TIAM1: variants seen among roughly 807,000 people sequenced by gnomAD.
The protein encoded by TIAM1 is rho guanine nucleotide exchange factor TIAM1.
Under a neutral mutation model 163.5 loss-of-function variants are expected in TIAM1, and 65 were observed. That is an observed-to-expected ratio of 0.40 (90% CI 0.33 to 0.49). TIAM1 has a LOEUF of 0.49. Ranked by LOEUF, TIAM1 falls within the 20% of genes least tolerant of loss-of-function variation. The probability of loss-of-function intolerance (pLI) is 0.77; values close to 1 mark genes in which losing one functional copy is unlikely to be tolerated. For synonymous variants in TIAM1, 833 were observed against 810.1 expected, an observed-to-expected ratio of 1.03 and a Z score of -0.48; for missense variants, 1,789 against 2,044.7, an observed-to-expected ratio of 0.87 and a Z score of 2.41.
In TIAM1 at chr21:31,339,261, G is replaced by A. The variant is rs2075946826; in HGVS notation, c.-207C>T. On this transcript the variant is annotated 5_prime_UTR_variant, in exon 2 of 28. Coordinates refer to ENST00000541036, the MANE Select transcript of TIAM1 (RefSeq NM_001353694.2). ...CACTTACCCCATTGGAAACAGAAGAGGCTTTGTCAAGATCTCCAAATGGGC... is the reference window on the plus strand; with the variant it reads ...CACTTACCCCATTGGAAACAGAAGAAGCTTTGTCAAGATCTCCAAATGGGC... The A allele has an allele frequency of 2.5e-6, 1 of 398,354 alleles. No individual in the cohort carries two copies. The highest frequency in any genetic ancestry group is 4.4e-6 in the Non-Finnish European group (1 of 226,028). The allele number at this position is 398,354 out of a possible 1,614,324, so 24.7% of individuals were successfully genotyped here. A position where few individuals can be genotyped will look rare whatever the true frequency, so the allele number is the denominator to read the frequency against.
At chr21:31,462,855 G>A (rs2045384619) in intron 2 of TIAM1, among the ~76,000 whole-genome samples, 2 of 151,180 alleles carry the variant, frequency 1.3e-5, no homozygotes, top group Non-Finnish European at 2.9e-5. Flanking sequence ...CCATTCTCCT[G>A]CCTCAGCCTC....
intron 12 of TIAM1, among the ~76,000 whole-genome samples, chr21:31,199,548 T>TTTA (rs2086080212): frequency 6.8e-6 from 1 of 146,968 alleles, no homozygotes; most frequent in African/African-American, 2.6e-5. Context: ...TTTTTTTTTT[T>TTTA]GAGACAGAAT....
Position 31,289,731 on chromosome 21 carries a change from CT to C in TIAM1, c.-188-12824del, listed in dbSNP as rs561366954. Among the ~76,000 whole-genome samples, 41 of 152,314 alleles carry C rather than the reference CT, an allele frequency of 2.7e-4. 1 individual carries two copies. In the East Asian group the frequency reaches 7.0e-3, roughly 26 times the overall value. On this transcript the variant is annotated intron_variant, in intron 2 of 27. Transcript: ENST00000541036. ...AAAATCATAAGAGGATAATCAGCCT[CT>C]TTTAATATAAAGGCAATTCCTGGGG... is the stretch of plus-strand genomic sequence containing the variant.
At chr21:31,533,455 C>CA (rs1402257707) in intron 1 of TIAM1, among the ~76,000 whole-genome samples, 1 of 152,168 alleles carries the variant, frequency 6.6e-6, no homozygotes, top group Non-Finnish European at 1.5e-5. Context: ...ATAATCAACA[C>CA]AAAAAATTAT....
chr21:31,276,220 C>T (rs2073293673), intron 3 of TIAM1, among the ~76,000 whole-genome samples: 1 of 152,096 alleles, frequency 6.6e-6, no homozygotes, highest in Admixed American at 6.6e-5. Flanking sequence ...ATCGTTACAA[C>T]CCATGAAAAG....
At chr21:31,501,706 G>T (rs56122535) in intron 1 of TIAM1, among the ~76,000 whole-genome samples, 1 of 152,074 alleles carries the variant, frequency 6.6e-6, no homozygotes, top group Non-Finnish European at 1.5e-5. Flanking sequence ...AGGTTCAAGC[G>T]ATTCTCCTGC....
At chr21:31,195,428 TATC>T in intron 12 of TIAM1, 123 bp from the exon 13 acceptor site, 1 of 691,144 alleles carries the variant, frequency 1.4e-6, no homozygotes, top group Non-Finnish European at 2.4e-6. Flanking sequence ...TTCACAATCT[TATC>T]ATTAAACGAA....
chr21:31,467,399 G>A (rs547140693), intron 1 of TIAM1, among the ~76,000 whole-genome samples: 18 of 152,240 alleles, frequency 1.2e-4, no homozygotes, highest in African/African-American at 3.9e-4. Context: ...CTGGGAGGCC[G>A]AGGTGGGCAG....
intron 1 of TIAM1, among the ~76,000 whole-genome samples, chr21:31,464,478 C>G (rs2045449256): frequency 6.6e-6 from 1 of 152,194 alleles, no homozygotes; most frequent in African/African-American, 2.4e-5. Flanking sequence ...GAGGCTGAGG[C>G]TGGCAGATCA....
rs114985239 is a variant in TIAM1 at position 31,335,099 on chromosome 21, G to A, written c.-189+4144C>T. Among the ~76,000 whole-genome samples, 1,085 of 152,222 alleles carry A rather than the reference G, an allele frequency of 7.1e-3. 11 individuals carry two copies. The highest frequency in any genetic ancestry group is 0.025 in the African/African-American group (1,045 of 41,498). Reference sequence around the variant, plus strand: ...ACCCAAGGCATCCACATCCCAGGCCGTTTGTGCCACAAAACAAAAACAGTG... The same window carrying A: ...ACCCAAGGCATCCACATCCCAGGCCATTTGTGCCACAAAACAAAAACAGTG... On this transcript the variant is annotated intron_variant, in intron 2 of 27. Transcript: ENST00000541036.
intron 4 of TIAM1, among the ~76,000 whole-genome samples, chr21:31,259,622 A>AGAAAT (rs1258633096): frequency 1.4e-3 from 175 of 121,684 alleles, no homozygotes; most frequent in Non-Finnish European, 2.4e-3. Context: ...ACCTGTCTAA[A>AGAAAT]AAAATAAAAT....
chr21:31,164,368 C>A (rs2084100081), intron 16 of TIAM1, among the ~76,000 whole-genome samples: 1 of 142,178 alleles, frequency 7.0e-6, no homozygotes, highest in African/African-American at 2.7e-5. Flanking sequence ...CTAGCCTGGG[C>A]GACAGAGCGA....
intron 3 of TIAM1, among the ~76,000 whole-genome samples, chr21:31,267,250 T>C (rs1193716064): frequency 1.3e-5 from 2 of 152,174 alleles, no homozygotes; most frequent in African/African-American, 4.8e-5. Flanking sequence ...GTTAGACTTG[T>C]CTCTGCCCAG....
intron 1 of TIAM1, among the ~76,000 whole-genome samples, chr21:31,536,833 G>C (rs917314945): frequency 6.6e-6 from 1 of 152,206 alleles, no homozygotes; most frequent in South Asian, 2.1e-4. Context: ...ACATTGAAAG[G>C]TTAGGACAAG....
intron 15 of TIAM1, among the ~76,000 whole-genome samples, chr21:31,169,036 TA>T (rs1399747431): frequency 1.3e-5 from 2 of 152,216 alleles, no homozygotes; most frequent in African/African-American, 4.8e-5. Flanking sequence ...CTCATGCCTG[TA>T]ATCCCAGCAC....
At chr21:31,210,307 T>C (rs2086655991) in intron 10 of TIAM1, 92 bp from the exon 11 acceptor site, 6 of 1,392,976 alleles carry the variant, frequency 4.3e-6, no homozygotes, top group East Asian at 2.3e-5. Context: ...CCGATTCCCA[T>C]GAAAACAGCC....
intron 1 of TIAM1, among the ~76,000 whole-genome samples, chr21:31,479,230 A>T (rs2046029839): frequency 6.6e-6 from 1 of 152,216 alleles, no homozygotes; most frequent in Non-Finnish European, 1.5e-5. Flanking sequence ...ACAGAATTTT[A>T]AAAAGCCACT....
intron 1 of TIAM1, among the ~76,000 whole-genome samples, chr21:31,519,731 A>G (rs2047515197): frequency 1.3e-5 from 2 of 152,200 alleles, no homozygotes; most frequent in Admixed American, 1.3e-4. Flanking sequence ...TTAAAAGGGA[A>G]GGAAATTCTG....
At chr21:31,493,607 A>C (rs1383407637) in intron 1 of TIAM1, among the ~76,000 whole-genome samples, 2 of 152,228 alleles carry the variant, frequency 1.3e-5, no homozygotes, top group Non-Finnish European at 2.9e-5. Flanking sequence ...GTTTAGAAGA[A>C]AAGCAGATGG....
Sources: allele counts gnomAD v4.1 joint callset (sites outside exome capture counted in the v4.1 genomes callset), GRCh38; gene constraint gnomAD v4.1.1; transcripts MANE v1.5; gene names NCBI Gene and HGNC (gene_info 2026-07-23, HGNC 2026-07-21).